The following ATRX variants were observed in gnomAD, a reference collection of about 807,000 sequenced individuals.
ATRX encodes the protein chromatin remodeler ATRX.
A neutral mutation model predicts 172.6 loss-of-function variants in ATRX; 12 were observed. The observed-to-expected ratio is 0.07, with a 90% CI of 0.04 to 0.11. ATRX has a LOEUF of 0.11. ATRX is among the 10% of genes least tolerant of loss of function. The probability of loss-of-function intolerance (pLI) is 1.00; values close to 1 mark genes in which losing one functional copy is unlikely to be tolerated. For missense variants in ATRX, 1,368 were observed against 1,767.4 expected (o/e 0.77, Z 4.05); for synonymous variants, 674 against 594.7 (o/e 1.13, Z -1.94).
chrX:77,621,710 C>A (rs1557100069), intron 19 of ATRX, among the ~76,000 whole-genome samples: 1 of 112,107 alleles, frequency 8.9e-6, no homozygotes, highest in African/African-American at 3.2e-5. Flanking sequence ...AAGCAGCTGT[C>A]AAACTATCTC....
rs781958407 is a variant in ATRX, at chrX:77,650,370, A to C, written c.4557+1744T>G. ...ATTACCAATTTATACGAAATATAGA[A>C]GCCAGTGAAACTGTACCACAGGGAT... On this transcript the variant is annotated intron_variant, in intron 15 of 34. Coordinates refer to ENST00000373344, the MANE Select transcript of ATRX (RefSeq NM_000489.6). Among the ~76,000 whole-genome samples, 7 of 112,157 alleles carry C rather than the reference A, an allele frequency of 6.2e-5. No homozygotes were observed. The South Asian group carries it at 2.6e-3, about 41-fold the overall frequency.
intron 30 of ATRX, among the ~76,000 whole-genome samples, chrX:77,538,580 T>C (rs1396639718): frequency 9.0e-6 from 1 of 111,454 alleles, no homozygotes; most frequent in Non-Finnish European, 1.9e-5. Context: ...GTGCAATATA[T>C]CTGTTTAAAA....
intron 1 of ATRX, among the ~76,000 whole-genome samples, chrX:77,758,722 C>T (rs1557191486): frequency 9.1e-6 from 1 of 110,195 alleles, no homozygotes; most frequent in African/African-American, 3.3e-5. Context: ...CACGCCACTG[C>T]ACTTTAGCCT....
Position 77,558,672 on chromosome X carries a change from A to G in ATRX, c.6501T>C (p.Ala2167=), listed in dbSNP as rs2064892777. ...TKPVYVYRFL[A]QGTMEDKIYD... ...AAAAAGAGAATTATAAACCTACCTG[A>G]GCTAAGAACCTATATACATAAACAG... Residue 2167 remains alanine, a synonymous_variant, in exon 29 of 35, where the codon GCT becomes GCC. Transcript: ENST00000373344. 8.4e-7 allele frequency: 1 copy of G among 1,188,542 alleles called. No individual in the cohort carries two copies. Among genetic ancestry groups the G allele is most frequent in the Non-Finnish European group, 1.1e-6 (1 of 876,477 alleles).
intron 3 of ATRX, 126 bp from the exon 4 acceptor site, chrX:77,697,761 T>C (rs1320212441): frequency 2.1e-5 from 11 of 527,028 alleles, no homozygotes; most frequent in Admixed American, 7.8e-5. Flanking sequence ...GCCTAGAATA[T>C]TTTTCTAAAA....
chrX:77,728,302 CT>C (rs781881708), intron 1 of ATRX, among the ~76,000 whole-genome samples: 3 of 110,544 alleles, frequency 2.7e-5, no homozygotes, highest in Non-Finnish European at 5.7e-5. Flanking sequence ...TTCTGTAATA[CT>C]TTTTTCATTA....
Position 77,508,436 on chromosome X carries a change from C to G in ATRX, c.7394G>C (p.Gly2465Ala). Residue 2465 changes from glycine to alanine, a missense_variant, in exon 35 of 35, where the codon GGT (glycine) becomes GCT (alanine). Physicochemically the swap from Gly to Ala is moderately conservative, Grantham distance 60. Around this residue, in one of 17 missense-constraint regions of ATRX, gnomAD observed 100 missense variants for 153.9 expected, o/e 0.65. Coordinates refer to ENST00000373344, the MANE Select transcript of ATRX (RefSeq NM_000489.6). ...CTGTAATGGTGGTGGCTGCATACCACCAGCCACTGGCTGATACATTCCTCT... is the reference window on the plus strand; with the variant it reads ...CTGTAATGGTGGTGGCTGCATACCAGCAGCCACTGGCTGATACATTCCTCT... ...DMRGMYQPVA[G>A]GMQPPPLQRA... 1 of 1,210,704 alleles carries G rather than the reference C, an allele frequency of 8.3e-7. No homozygotes were observed. The highest frequency in any genetic ancestry group is 2.2e-5 in the Admixed American group (1 of 46,033).
Position 77,664,708 on chromosome X carries a change from C to G in ATRX, c.3880G>C (p.Asp1294His), listed in dbSNP as rs782386546. Residue 1294 changes from aspartate to histidine, a missense_variant, in exon 11 of 35, where the codon GAT (aspartate) becomes CAT (histidine). By Grantham distance (81) the Asp-to-His change is moderately conservative. This residue lies in a region of ATRX where 119 missense variants were observed against 131.3 expected (regional missense o/e 0.91). Transcript: ENST00000373344. ...CTTTTTTTCCCTTCTTCTGGCTCAT[C>G]ATCTGAAGATCCATCCTCATCAGAG... ...LSSDEDGSSD[D>H]EPEEGKKRTG... The G allele has an allele frequency of 9.9e-5, 119 of 1,207,674 alleles. No individual in the cohort carries two copies. Among genetic ancestry groups the G allele is most frequent in the Admixed American group, 5.7e-4 (26 of 45,620 alleles).
chrX:77,514,855 G>A (rs1216888344), intron 34 of ATRX, among the ~76,000 whole-genome samples: 1 of 112,171 alleles, frequency 8.9e-6, no homozygotes, highest in Non-Finnish European at 1.9e-5. Context: ...GAAAAGTTTT[G>A]CAAACTATCC....
intron 9 of ATRX, among the ~76,000 whole-genome samples, chrX:77,678,547 C>T (rs1429667768): frequency 3.6e-5 from 4 of 111,983 alleles, no homozygotes; most frequent in East Asian, 2.8e-4. Flanking sequence ...AGTGCAGTGG[C>T]GCGATCGTGG....
chrX:77,724,530 C>A (rs1341401723), intron 1 of ATRX, among the ~76,000 whole-genome samples: 2 of 110,140 alleles, frequency 1.8e-5, no homozygotes, highest in African/African-American at 6.6e-5. Flanking sequence ...CCGTGCCCAG[C>A]CCAAAAATAT....
intron 34 of ATRX, among the ~76,000 whole-genome samples, chrX:77,515,339 T>A (rs190971072): frequency 7.4e-4 from 80 of 108,541 alleles, no homozygotes; most frequent in African/African-American, 1.4e-3. Context: ...AAACATGGAA[T>A]AAAGCTAAAT....
chrX:77,583,139 T>C (rs2065885675), intron 27 of ATRX, among the ~76,000 whole-genome samples: 1 of 111,847 alleles, frequency 8.9e-6, no homozygotes, highest in Non-Finnish European at 1.9e-5. Flanking sequence ...TCATCCATCA[T>C]GACCAACTGG....
chrX:77,626,562 T>G (rs993955554), intron 19 of ATRX, among the ~76,000 whole-genome samples: 1 of 112,038 alleles, frequency 8.9e-6, no homozygotes, highest in Admixed American at 9.4e-5. Context: ...CATTTGTATA[T>G]TTTTGCTGTA....
At chrX:77,571,900 G>A (rs962503773) in intron 28 of ATRX, among the ~76,000 whole-genome samples, 2 of 110,982 alleles carry the variant, frequency 1.8e-5, no homozygotes, top group Non-Finnish European at 3.8e-5. Flanking sequence ...AAACAACAAC[G>A]TTACAAATGG....
At chrX:77,527,844 T>C (rs1378505514) in intron 30 of ATRX, among the ~76,000 whole-genome samples, 3 of 111,004 alleles carry the variant, frequency 2.7e-5, no homozygotes, top group African/African-American at 6.6e-5. Flanking sequence ...TCAGGGGAAA[T>C]AGCCAATACA....
rs1163378424 is a variant in ATRX, at chrX:77,506,896, T to C, written c.*1455A>G. The C allele has an allele frequency of 6.8e-6, 1 of 146,237 alleles. No homozygotes were observed. The highest frequency in any genetic ancestry group is 1.2e-5 in the Non-Finnish European group (1 of 81,589). The allele number at this position is 146,237 out of a possible 1,213,427, so 12.1% of individuals were successfully genotyped here. ...CTAAAGCAAAGCCCAAACCCAGTTT[T>C]CTTTTTTTTTTTTTTTTTTTTTTTT... On this transcript the variant is annotated 3_prime_UTR_variant, in exon 35 of 35. Coordinates refer to ENST00000373344, the MANE Select transcript of ATRX (RefSeq NM_000489.6).
intron 1 of ATRX, among the ~76,000 whole-genome samples, chrX:77,746,492 A>G (rs1358772447): frequency 8.9e-6 from 1 of 111,818 alleles, no homozygotes; most frequent in African/African-American, 3.2e-5. Context: ...AAAACTACAT[A>G]TCACTCCTTG....
At chrX:77,693,993 C>T in intron 5 of ATRX, 56 bp from the exon 6 acceptor site, 1 of 929,946 alleles carries the variant, frequency 1.1e-6, no homozygotes, top group African/African-American at 1.9e-5. Context: ...AAGTGAAGTA[C>T]AAGACTTCAG....
Sources: gnomAD v4.1 joint callset for allele counts (sites outside exome capture counted in the v4.1 genomes callset) on GRCh38, gnomAD v4.1.1 for gene constraint, gnomAD v4.1.1 regional missense constraint, MANE v1.5 for transcripts, NCBI Gene and HGNC (gene_info 2026-07-23, HGNC 2026-07-21) for gene names.